PDZRN4: variants seen among roughly 807,000 people sequenced by gnomAD.
PDZRN4 encodes the protein PDZ domain-containing RING finger protein 4.
In PDZRN4, 70 loss-of-function variants were observed where a neutral mutation model predicts 99.0. That is an observed-to-expected ratio of 0.71 (90% confidence interval 0.58 to 0.86). The LOEUF (loss-of-function observed/expected upper bound fraction) is 0.86. Ranked by LOEUF, PDZRN4 falls within the 40% of genes least tolerant of loss-of-function variation. The pLI, the probability that PDZRN4 is intolerant of heterozygous loss-of-function variation, is 0.00. For synonymous variants in PDZRN4, 551 were observed against 501.6 expected (o/e 1.10, Z -1.32); for missense variants, 1,474 against 1,331.2 (o/e 1.11, Z -1.67).
In PDZRN4 at chr12:41,398,607, G is replaced by C. The variant is rs79075103; in HGVS notation, c.844-107849G>C. The stretch of plus-strand genomic sequence containing the variant: ...TAATGACTTACAAATGCTGCAAGCT[G>C]TAACTTGTGTGTAACTTCCATTTAG... On this transcript the variant is annotated intron_variant, in intron 3 of 9. Coordinates refer to ENST00000402685, the MANE Select transcript of PDZRN4 (RefSeq NM_001164595.2). 2.0e-3 allele frequency among the ~76,000 whole-genome samples: 307 copies of C among 152,244 alleles called. 2 individuals are homozygous for C. The highest frequency in any genetic ancestry group is 7.1e-3 in the African/African-American group (294 of 41,562).
chr12:41,410,384 A>G (rs903892886), intron 3 of PDZRN4, among the ~76,000 whole-genome samples: 10 of 152,216 alleles, frequency 6.6e-5, no homozygotes, highest in Non-Finnish European at 1.5e-4. Context: ...AACGGTAAAG[A>G]TGAATATTCT....
chr12:41,207,084 T>A (rs1950855974), intron 3 of PDZRN4, among the ~76,000 whole-genome samples: 1 of 151,992 alleles, frequency 6.6e-6, no homozygotes, highest in Non-Finnish European at 1.5e-5. Flanking sequence ...ATAATTCTTT[T>A]CAACAGATAA....
chr12:41,411,065 A>ATT lies in PDZRN4; in HGVS notation c.844-95390_844-95389insTT, dbSNP rs1242121637. Among the ~76,000 whole-genome samples the ATT allele has an allele frequency of 1.7e-3, 168 of 101,208 alleles. 1 individual carries two copies. Among genetic ancestry groups the ATT allele is most frequent in the African/African-American group, 6.7e-3 (153 of 22,936 alleles). 66.4% of individuals were successfully genotyped at this position (101,208 alleles called of 152,430 possible). ...AGCTTTAAAATATATATATATATAT[A>ATT]TATTTTTTTTTTATTTGTAAAGATA... On this transcript the variant is annotated intron_variant, in intron 3 of 9. Transcript: ENST00000402685.
chr12:41,522,158 A>T (rs1163266081), intron 5 of PDZRN4, among the ~76,000 whole-genome samples: 2 of 152,168 alleles, frequency 1.3e-5, no homozygotes, highest in South Asian at 2.1e-4. Flanking sequence ...TGAGCAATGC[A>T]GTTGGGAAAT....
chr12:41,448,666 G>A (rs1251535583), intron 3 of PDZRN4, among the ~76,000 whole-genome samples: 3 of 152,132 alleles, frequency 2.0e-5, no homozygotes, highest in Non-Finnish European at 2.9e-5. Context: ...AGTATTCACT[G>A]AGTTCTGTTT....
chr12:41,401,848 A>G (rs1952291101), intron 3 of PDZRN4, among the ~76,000 whole-genome samples: 1 of 151,768 alleles, frequency 6.6e-6, no homozygotes, highest in Non-Finnish European at 1.5e-5. Context: ...GACCGTGCCA[A>G]AACAGCCAAA....
chr12:41,261,362 G>A (rs556743108), intron 3 of PDZRN4, among the ~76,000 whole-genome samples: 57 of 152,294 alleles, frequency 3.7e-4, no homozygotes, highest in African/African-American at 1.2e-3. Flanking sequence ...TTATTTGTTA[G>A]AAATCTAATA....
chr12:41,291,859 C>A (rs927138943), intron 3 of PDZRN4, among the ~76,000 whole-genome samples: 5 of 111,508 alleles, frequency 4.5e-5, no homozygotes, highest in Non-Finnish European at 1.1e-4. Context: ...TCCAAGGAGG[C>A]ACCCCATTAC....
chr12:41,201,421 T>C (rs1950815579), intron 3 of PDZRN4, among the ~76,000 whole-genome samples: 1 of 152,118 alleles, frequency 6.6e-6, no homozygotes, highest in African/African-American at 2.4e-5. Context: ...TTTTCTTGTA[T>C]TATGATATAT....
intron 3 of PDZRN4, among the ~76,000 whole-genome samples, chr12:41,461,587 G>C (rs1199184236): frequency 1.3e-5 from 2 of 152,100 alleles, no homozygotes; most frequent in African/African-American, 2.4e-5. Flanking sequence ...CCTCCAGTGT[G>C]TCTTTGATAT....
chr12:41,227,087 T>C (rs1951000047), intron 3 of PDZRN4, among the ~76,000 whole-genome samples: 1 of 152,144 alleles, frequency 6.6e-6, no homozygotes, highest in Non-Finnish European at 1.5e-5. Context: ...AATACACATA[T>C]TTAGAATAAT....
rs1316650715 is a variant in PDZRN4, at chr12:41,355,086, G to A, written c.844-151370G>A. 3.3e-5 allele frequency among the ~76,000 whole-genome samples: 5 copies of A among 152,036 alleles called. No individual in the cohort carries two copies. The East Asian group carries it at 9.7e-4, about 29-fold the overall frequency. On this transcript the variant is annotated intron_variant, in intron 3 of 9. Transcript: ENST00000402685. ...TGCTTTGAAGATATTCTTGCCCTCT[G>A]TTGTCCTCTGCTTTCTTATCTCTTA...
intron 3 of PDZRN4, among the ~76,000 whole-genome samples, chr12:41,314,627 A>G (rs570939826): frequency 7.2e-5 from 11 of 152,306 alleles, no homozygotes; most frequent in African/African-American, 2.4e-4. Context: ...ATAAAAATGT[A>G]GACATCAAAA....
chr12:41,378,769 C>T (rs1202707418), intron 3 of PDZRN4, among the ~76,000 whole-genome samples: 1 of 152,074 alleles, frequency 6.6e-6, no homozygotes, highest in Non-Finnish European at 1.5e-5. Flanking sequence ...GTGATCTGCC[C>T]ACCTCAGCCT....
At chr12:41,456,573 A>T (rs918143918) in intron 3 of PDZRN4, among the ~76,000 whole-genome samples, 15 of 152,332 alleles carry the variant, frequency 9.8e-5, no homozygotes, top group African/African-American at 3.6e-4. Context: ...TGCCTGGAAT[A>T]GTGGTTGGCC....
chr12:41,278,589 A>G (rs559983200), intron 3 of PDZRN4, among the ~76,000 whole-genome samples: 1 of 152,196 alleles, frequency 6.6e-6, no homozygotes, highest in Non-Finnish European at 1.5e-5. Context: ...GAAAAGTGAA[A>G]GCAGTCCCAT....
At chr12:41,437,672 C>T in intron 3 of PDZRN4, 3 of 1,121,660 alleles carry the variant, frequency 2.7e-6, no homozygotes, top group Non-Finnish European at 3.6e-6. Flanking sequence ...GTCATGTGCA[C>T]TGATGCAGAG....
intron 3 of PDZRN4, among the ~76,000 whole-genome samples, chr12:41,354,116 T>G (rs1951910723): frequency 6.6e-6 from 1 of 152,046 alleles, no homozygotes; most frequent in Admixed American, 6.6e-5. Flanking sequence ...TGAGTTTGAG[T>G]AGACGCAACA....
intron 3 of PDZRN4, among the ~76,000 whole-genome samples, chr12:41,276,703 C>T (rs1951351970): frequency 6.6e-6 from 1 of 152,018 alleles, no homozygotes; most frequent in Non-Finnish European, 1.5e-5. Flanking sequence ...ATTTATTTTC[C>T]TAATACACTG....
Sources: gnomAD v4.1 joint callset for allele counts (sites outside exome capture counted in the v4.1 genomes callset) on GRCh38, gnomAD v4.1.1 for gene constraint, MANE v1.5 for transcripts, NCBI Gene and HGNC (gene_info 2026-07-23, HGNC 2026-07-21) for gene names.